The following NTNG1 variants were observed in gnomAD, a reference collection of about 807,000 sequenced individuals.
NTNG1 encodes the protein netrin G1.
Under a neutral mutation model 54.0 loss-of-function variants are expected in NTNG1, and 16 were observed. The observed-to-expected ratio is 0.30, with a 90% CI of 0.20 to 0.45. The LOEUF (loss-of-function observed/expected upper bound fraction) is 0.45. Among genes scored for constraint, NTNG1 ranks in the 20% least tolerant of loss-of-function variants. The probability of loss-of-function intolerance (pLI) is 1.00; values close to 1 mark genes in which losing one functional copy is unlikely to be tolerated. For missense variants in NTNG1, 530 were observed against 678.7 expected (o/e 0.78, Z 2.43); for synonymous variants, 255 against 263.1 (o/e 0.97, Z 0.30).
intron 3 of NTNG1, among the ~76,000 whole-genome samples, chr1:107,342,867 C>T (rs1371998928): frequency 1.3e-5 from 2 of 151,994 alleles, no homozygotes; most frequent in Admixed American, 6.6e-5. Context: ...AATAATCAAA[C>T]GATCCTCTCC....
chr1:107,317,852 G>T (rs986053283), intron 2 of NTNG1, among the ~76,000 whole-genome samples: 2 of 152,162 alleles, frequency 1.3e-5, no homozygotes, highest in African/African-American at 4.8e-5. Flanking sequence ...TCTCTGTGAT[G>T]AACAAAGGAT....
At chr1:107,159,453 C>A (rs1655251319) in intron 2 of NTNG1, among the ~76,000 whole-genome samples, 1 of 152,120 alleles carries the variant, frequency 6.6e-6, no homozygotes, top group Admixed American at 6.6e-5. Context: ...GAAGAACTTA[C>A]ATGGTGTCAT....
At chr1:107,242,172 A>AG (rs1184909535) in intron 2 of NTNG1, among the ~76,000 whole-genome samples, 10 of 146,276 alleles carry the variant, frequency 6.8e-5, no homozygotes, top group South Asian at 2.3e-4. Flanking sequence ...TACTTGGAGG[A>AG]GGGGGGGTGA....
chr1:107,390,605 A>T (rs1342614890), intron 3 of NTNG1, among the ~76,000 whole-genome samples: 1 of 152,200 alleles, frequency 6.6e-6, no homozygotes, highest in Non-Finnish European at 1.5e-5. Context: ...AACACACATC[A>T]TGGAGTGTTT....
At chr1:107,318,216 C>A (rs766651095) in intron 2 of NTNG1, among the ~76,000 whole-genome samples, 3 of 152,100 alleles carry the variant, frequency 2.0e-5, no homozygotes, top group Non-Finnish European at 2.9e-5. Context: ...CCACTTAGAC[C>A]TGTCCCGCCT....
chr1:107,418,634 A>T (rs1432880920), intron 5 of NTNG1: 1 of 1,598,248 alleles, frequency 6.3e-7, no homozygotes, highest in East Asian at 2.3e-5. Flanking sequence ...GAGGTTTCTA[A>T]CCCAAAACAA....
At chr1:107,374,403 T>C (rs1437188072) in intron 3 of NTNG1, among the ~76,000 whole-genome samples, 1 of 152,152 alleles carries the variant, frequency 6.6e-6, no homozygotes, top group Non-Finnish European at 1.5e-5. Context: ...TGCAATTCAC[T>C]GAAGCTTTTT....
At chr1:107,441,141 C>T (rs1228739168) in intron 7 of NTNG1, among the ~76,000 whole-genome samples, 3 of 152,048 alleles carry the variant, frequency 2.0e-5, no homozygotes, top group Admixed American at 1.3e-4. Flanking sequence ...GCATTCCATG[C>T]TTTATATAAA....
intron 5 of NTNG1, among the ~76,000 whole-genome samples, chr1:107,415,151 G>A (rs1158542437): frequency 6.6e-6 from 1 of 152,138 alleles, no homozygotes; most frequent in African/African-American, 2.4e-5. Context: ...TATGGAACCA[G>A]CATCCTTAAG....
intron 2 of NTNG1, among the ~76,000 whole-genome samples, chr1:107,289,810 A>G (rs539191594): frequency 3.8e-4 from 58 of 152,272 alleles, no homozygotes; most frequent in Middle Eastern, 3.4e-3. Context: ...TACATTCCCT[A>G]GCACATTTAT....
Position 107,433,148 on chromosome 1 carries a change from C to T in NTNG1, c.1255+2231C>T, listed in dbSNP as rs916496476. 3.9e-5 allele frequency among the ~76,000 whole-genome samples: 6 copies of T among 152,160 alleles called. No homozygotes were observed. In the South Asian group the frequency reaches 1.2e-3, roughly 32 times the overall value. On this transcript the variant is annotated intron_variant, in intron 6 of 7. Coordinates refer to ENST00000370068, the MANE Select transcript of NTNG1 (RefSeq NM_001113226.3). The stretch of plus-strand genomic sequence containing the variant: ...AAAATTATAAACTTTTGGAAAATTC[C>T]ATTTTATCGAGGTAAACCTGTTTCT...
At chr1:107,219,897 A>T (rs1660225721) in intron 2 of NTNG1, among the ~76,000 whole-genome samples, 1 of 152,144 alleles carries the variant, frequency 6.6e-6, no homozygotes, top group Non-Finnish European at 1.5e-5. Flanking sequence ...TGGCACTTTT[A>T]AGAGCACATT....
At chr1:107,271,113 A>G (rs1333264983) in intron 2 of NTNG1, among the ~76,000 whole-genome samples, 1 of 152,178 alleles carries the variant, frequency 6.6e-6, no homozygotes, top group Non-Finnish European at 1.5e-5. Flanking sequence ...AGTTACAATA[A>G]CTTTGTCTAT....
chr1:107,433,976 T>C (rs1557996778), intron 6 of NTNG1, among the ~76,000 whole-genome samples: 2 of 152,298 alleles, frequency 1.3e-5, no homozygotes, highest in South Asian at 4.1e-4. Flanking sequence ...ACATCACAAG[T>C]AATTGAGAGT....
intron 2 of NTNG1, among the ~76,000 whole-genome samples, chr1:107,251,011 C>T (rs1662569332): frequency 6.6e-6 from 1 of 152,128 alleles, no homozygotes; most frequent in Non-Finnish European, 1.5e-5. Flanking sequence ...TTGTTATTGT[C>T]TTCAATCATG....
intron 2 of NTNG1, among the ~76,000 whole-genome samples, chr1:107,168,771 C>T (rs951109033): frequency 2.0e-5 from 3 of 152,102 alleles, no homozygotes; most frequent in African/African-American, 7.2e-5. Context: ...ATTCATAGAA[C>T]CAACATAGCA....
At chr1:107,264,168 GC>G (rs1278510752) in intron 2 of NTNG1, among the ~76,000 whole-genome samples, 1 of 151,500 alleles carries the variant, frequency 6.6e-6, no homozygotes, top group Non-Finnish European at 1.5e-5. Flanking sequence ...ACACACACAC[GC>G]CCTTCTATTT....
chr1:107,149,749 T>C (rs1654418364), intron 2 of NTNG1, among the ~76,000 whole-genome samples: 1 of 152,034 alleles, frequency 6.6e-6, no homozygotes, highest in Non-Finnish European at 1.5e-5. Context: ...AGAGTTCAGA[T>C]GGTGAGTTCA....
At chr1:107,170,541 T>C (rs1032979452) in intron 2 of NTNG1, among the ~76,000 whole-genome samples, 2 of 152,122 alleles carry the variant, frequency 1.3e-5, no homozygotes, top group African/African-American at 4.8e-5. Flanking sequence ...AGAAAATAAT[T>C]ATTTAAATGG....
Sources: allele counts gnomAD v4.1 joint callset (sites outside exome capture counted in the v4.1 genomes callset), GRCh38; gene constraint gnomAD v4.1.1; transcripts MANE v1.5; gene names NCBI Gene and HGNC (gene_info 2026-07-23, HGNC 2026-07-21).